The following TMC1 variants were observed in gnomAD, a reference collection of about 807,000 sequenced individuals.
TMC1 encodes transmembrane channel like 1.
TMC1 carries 84 observed loss-of-function variants against 105.8 expected under a neutral mutation model. The ratio of observed to expected loss-of-function variants is 0.79; its 90% CI spans 0.67 to 0.95. The LOEUF (loss-of-function observed/expected upper bound fraction) is 0.95. Ranked by LOEUF, TMC1 falls within the 40% of genes least tolerant of loss-of-function variation. The pLI is 0.00. For missense variants in TMC1, 817 were observed against 914.1 expected, an observed-to-expected ratio of 0.89 and a Z score of 1.37; for synonymous variants, 315 against 311.5, an observed-to-expected ratio of 1.01 and a Z score of -0.12.
chr9:72,577,513 C>T (rs1164433720), intron 1 of TMC1, among the ~76,000 whole-genome samples: 1 of 152,228 alleles, frequency 6.6e-6, no homozygotes, highest in Admixed American at 6.5e-5. Flanking sequence ...AAACAGTGTG[C>T]CCTGTCAATA....
chr9:72,530,588 TAAAA>T (rs34167245), intron 1 of TMC1, among the ~76,000 whole-genome samples: 1 of 145,706 alleles, frequency 6.9e-6, no homozygotes, highest in African/African-American at 2.5e-5. Context: ...GACTCCATCT[TAAAA>T]AAAAAAAAAC....
intron 19 of TMC1, among the ~76,000 whole-genome samples, chr9:72,816,569 T>C (rs1828792024): frequency 6.6e-6 from 1 of 152,170 alleles, no homozygotes; most frequent in Non-Finnish European, 1.5e-5. Flanking sequence ...ATAAGGCCTT[T>C]CCGAGAGACC....
At chr9:72,641,986 T>C (rs1266314771) in intron 4 of TMC1, among the ~76,000 whole-genome samples, 1 of 151,454 alleles carries the variant, frequency 6.6e-6, no homozygotes, top group African/African-American at 2.4e-5. Flanking sequence ...CCCGGCTAAT[T>C]TTTTGTATTT....
intron 1 of TMC1, among the ~76,000 whole-genome samples, chr9:72,577,580 G>A (rs562576027): frequency 1.3e-5 from 2 of 152,306 alleles, no homozygotes; most frequent in African/African-American, 4.8e-5. Flanking sequence ...GGCCAAAAGC[G>A]GGATTCTTCC....
At chr9:72,699,848 T>C (rs1055724909) in intron 7 of TMC1, among the ~76,000 whole-genome samples, 4 of 144,622 alleles carry the variant, frequency 2.8e-5, no homozygotes, top group Admixed American at 7.2e-5. Context: ...TCCCAGCTAC[T>C]GGGGAGCCTG....
intron 5 of TMC1, among the ~76,000 whole-genome samples, chr9:72,659,285 A>C (rs1321522961): frequency 6.6e-6 from 1 of 152,174 alleles, no homozygotes; most frequent in Non-Finnish European, 1.5e-5. Context: ...AAGCTACAGG[A>C]TCTTCTGCCA....
chr9:72,828,981 C>T (rs965660669), intron 21 of TMC1, among the ~76,000 whole-genome samples: 11 of 152,206 alleles, frequency 7.2e-5, no homozygotes, highest in African/African-American at 1.2e-4. Context: ...AACAGTCTGG[C>T]AGTCATCTTC....
intron 1 of TMC1, among the ~76,000 whole-genome samples, chr9:72,555,550 T>A (rs1429001680): frequency 6.6e-6 from 1 of 152,064 alleles, no homozygotes; most frequent in Non-Finnish European, 1.5e-5. Flanking sequence ...ATGATGTGGA[T>A]GGTAGGAGAA....
chr9:72,696,384 G>T (rs1826551763), intron 7 of TMC1, among the ~76,000 whole-genome samples: 1 of 152,118 alleles, frequency 6.6e-6, no homozygotes. Flanking sequence ...GACAATTTGT[G>T]CATCTATTAT....
Position 72,593,012 on chromosome 9 carries a change from A to G in TMC1, c.-306+14989A>G, listed in dbSNP as rs72731153. Among the ~76,000 whole-genome samples the G allele has an allele frequency of 8.2e-4, 125 of 151,998 alleles. 1 individual carries two copies. Among genetic ancestry groups the G allele is most frequent in the Non-Finnish European group, 1.6e-3 (108 of 68,038 alleles). ...TGTTAAAACAGTATTGCTCTGGGAG[A>G]AAAGAATCATTTTTTTTAAGGTTAA... On this transcript the variant is annotated intron_variant, in intron 2 of 23. Transcript: ENST00000297784.
intron 1 of TMC1, among the ~76,000 whole-genome samples, chr9:72,546,916 C>A (rs1160775213): frequency 6.6e-6 from 1 of 152,184 alleles, no homozygotes. Context: ...AAAATGAATA[C>A]TTTGTTGTGT....
At chr9:72,802,890 T>C (rs773902032) in intron 17 of TMC1, among the ~76,000 whole-genome samples, 2 of 152,156 alleles carry the variant, frequency 1.3e-5, no homozygotes, top group Non-Finnish European at 2.9e-5. Flanking sequence ...CATTTTTAAA[T>C]TCATATGGAA....
chr9:72,580,052 AGCTTT>A (rs1164084719), intron 2 of TMC1, among the ~76,000 whole-genome samples: 1 of 152,216 alleles, frequency 6.6e-6, no homozygotes, highest in African/African-American at 2.4e-5. Context: ...CAGCATCTAC[AGCTTT>A]GCTATTTAAA....
intron 13 of TMC1, among the ~76,000 whole-genome samples, chr9:72,787,107 C>CT (rs1828180253): frequency 6.6e-6 from 1 of 151,928 alleles, no homozygotes; most frequent in Non-Finnish European, 1.5e-5. Flanking sequence ...AATCTGAGCC[C>CT]TTGACTTATC....
At chr9:72,606,684 A>G (rs1362724971) in intron 2 of TMC1, among the ~76,000 whole-genome samples, 1 of 152,070 alleles carries the variant, frequency 6.6e-6, no homozygotes, top group Non-Finnish European at 1.5e-5. Context: ...TTTTTTTGTC[A>G]AACACATTTA....
intron 8 of TMC1, among the ~76,000 whole-genome samples, chr9:72,726,108 C>T (rs1362146940): frequency 6.6e-6 from 1 of 152,014 alleles, no homozygotes; most frequent in Admixed American, 6.6e-5. Flanking sequence ...CATAACAAAT[C>T]GTGTGAAAGG....
intron 1 of TMC1, among the ~76,000 whole-genome samples, chr9:72,568,562 G>A (rs553964625): frequency 5.3e-5 from 8 of 152,302 alleles, no homozygotes; most frequent in Non-Finnish European, 1.2e-4. Flanking sequence ...CTTCTTCAAA[G>A]AAACTTACAC....
At chr9:72,627,286 T>C (rs550466144) in intron 3 of TMC1, among the ~76,000 whole-genome samples, 3 of 152,128 alleles carry the variant, frequency 2.0e-5, no homozygotes, top group Non-Finnish European at 2.9e-5. Flanking sequence ...TGCTAATTCA[T>C]TGGCTTGATT....
chr9:72,813,531 C>T (rs11143396), intron 18 of TMC1, among the ~76,000 whole-genome samples: 1 of 152,120 alleles, frequency 6.6e-6, no homozygotes, highest in Non-Finnish European at 1.5e-5. Flanking sequence ...GGTTGGCAAA[C>T]TTTTGCTGTA....
Sources: allele counts gnomAD v4.1 joint callset (sites outside exome capture counted in the v4.1 genomes callset), GRCh38; gene constraint gnomAD v4.1.1; transcripts MANE v1.5; gene names NCBI Gene and HGNC (gene_info 2026-07-23, HGNC 2026-07-21).